The following LRP1B variants were observed in gnomAD, a reference collection of about 807,000 sequenced individuals.
LRP1B encodes low-density lipoprotein receptor-related protein 1B.
Under a neutral mutation model 556.6 loss-of-function variants are expected in LRP1B, and 217 were observed. The observed-to-expected ratio is 0.39, with a 90% CI of 0.35 to 0.44. The LOEUF (loss-of-function observed/expected upper bound fraction) is 0.44. LRP1B is among the 20% of genes least tolerant of loss of function. The probability of loss-of-function intolerance (pLI) is 1.00; values close to 1 mark genes in which losing one functional copy is unlikely to be tolerated. For synonymous variants in LRP1B, 2,047 were observed against 1,865.8 expected, an observed-to-expected ratio of 1.10 and a Z score of -2.50; for missense variants, 5,053 against 5,620.8, an observed-to-expected ratio of 0.90 and a Z score of 3.23.
intron 49 of LRP1B, 59 bp downstream of exon 49, chr2:140,525,785 A>G: frequency 6.5e-7 from 1 of 1,545,632 alleles, no homozygotes; most frequent in Non-Finnish European, 8.8e-7. Context: ...ACTCTATACA[A>G]CCAGGTAGCC....
intron 16 of LRP1B, among the ~76,000 whole-genome samples, chr2:140,993,442 A>T (rs952422766): frequency 6.6e-6 from 1 of 152,086 alleles, no homozygotes; most frequent in Non-Finnish European, 1.5e-5. Context: ...ATGATAAATA[A>T]TTAAATAGAA....
chr2:141,381,401 C>T (rs1308489962), intron 3 of LRP1B, among the ~76,000 whole-genome samples: 1 of 151,012 alleles, frequency 6.6e-6, no homozygotes, highest in Admixed American at 6.6e-5. Context: ...GTGAAGATAG[C>T]TTAAAGGACT....
intron 43 of LRP1B, among the ~76,000 whole-genome samples, chr2:140,595,439 C>T (rs921953119): frequency 1.3e-5 from 2 of 151,852 alleles, no homozygotes; most frequent in Non-Finnish European, 1.5e-5. Context: ...CTTTTCAGAA[C>T]AAGGAAAGAT....
At chr2:140,515,272 T>C (rs1412925097) in intron 50 of LRP1B, among the ~76,000 whole-genome samples, 1 of 152,046 alleles carries the variant, frequency 6.6e-6, no homozygotes, top group African/African-American at 2.4e-5. Flanking sequence ...CTGACAGTTT[T>C]GTACGTAGCA....
rs372683900 is a variant in LRP1B at position 141,328,325 on chromosome 2, C to T, written c.344-73684G>A. Among the ~76,000 whole-genome samples, 57 of 150,796 alleles carry T rather than the reference C, an allele frequency of 3.8e-4. No individual in the cohort carries two copies. In the East Asian group the frequency reaches 4.6e-3, roughly 12 times the overall value. ...ATCTGTAAAATCCAAAAGAAGGAAG[C>T]CTATCTTAATGAGTTGTTGTAATTA... On this transcript the variant is annotated intron_variant, in intron 3 of 90. Coordinates refer to ENST00000389484, the MANE Select transcript of LRP1B (RefSeq NM_018557.3).
intron 1 of LRP1B, among the ~76,000 whole-genome samples, chr2:141,997,014 G>T (rs1702510639): frequency 6.6e-6 from 1 of 152,088 alleles, no homozygotes; most frequent in Admixed American, 6.6e-5. Flanking sequence ...GATGCCCAGA[G>T]CATCACTCTG....
intron 60 of LRP1B, among the ~76,000 whole-genome samples, chr2:140,470,660 AAAAAAAAAAAAAAT>A (rs931454050): frequency 1.3e-5 from 2 of 151,160 alleles, no homozygotes; most frequent in African/African-American, 4.8e-5. Context: ...AAAAAAAAAA[AAAAAAAAAAAAAAT>A]GGCAAAGATT....
rs536607796 is a variant in LRP1B at position 141,987,308 on chromosome 2, A to T, written c.82+143340T>A. ...ATTCAGGAGTTTAAAAAAATACTCA[A>T]TTACATCTAGTTTCAGGATGTCTGT... On this transcript the variant is annotated intron_variant, in intron 1 of 90. Coordinates refer to ENST00000389484, the MANE Select transcript of LRP1B (RefSeq NM_018557.3). Among the ~76,000 whole-genome samples, 3 of 152,132 alleles carry T rather than the reference A, an allele frequency of 2.0e-5. No individual in the cohort carries two copies. In the South Asian group the frequency reaches 6.2e-4, roughly 32 times the overall value.
chr2:141,117,527 CCCTATCACA>C (rs1168544550), intron 7 of LRP1B, among the ~76,000 whole-genome samples: 1 of 151,898 alleles, frequency 6.6e-6, no homozygotes, highest in Non-Finnish European at 1.5e-5. Flanking sequence ...CACAGATAGA[CCCTATCACA>C]ATAGTTTAAA....
intron 3 of LRP1B, among the ~76,000 whole-genome samples, chr2:141,464,606 A>ATATATATATTTTTTTTTTTTTTTTTT: frequency 5.5e-5 from 5 of 90,544 alleles, no homozygotes; most frequent in African/African-American, 2.1e-4. Flanking sequence ...ATATATATAT[A>ATATATATATTTTTTTTTTTTTTTTTT]TTTTTTTAGT....
At chr2:141,835,302 A>G (rs1234103616) in intron 1 of LRP1B, among the ~76,000 whole-genome samples, 2 of 151,992 alleles carry the variant, frequency 1.3e-5, no homozygotes, top group Non-Finnish European at 2.9e-5. Flanking sequence ...GCCAGGCAGT[A>G]AACACAGAGC....
chr2:141,237,228 A>G (rs903429594), intron 5 of LRP1B, among the ~76,000 whole-genome samples: 3 of 152,186 alleles, frequency 2.0e-5, no homozygotes, highest in African/African-American at 7.2e-5. Flanking sequence ...AAAGGGTATC[A>G]TTAAAAGAAA....
At chr2:140,822,034 A>C (rs1456663110) in intron 31 of LRP1B, among the ~76,000 whole-genome samples, 3 of 152,094 alleles carry the variant, frequency 2.0e-5, no homozygotes, top group Non-Finnish European at 4.4e-5. Flanking sequence ...AAGGGGAAAC[A>C]TCAAAGAAAT....
At chr2:142,093,432 G>A (rs1574676894) in intron 1 of LRP1B, among the ~76,000 whole-genome samples, 1 of 152,068 alleles carries the variant, frequency 6.6e-6, no homozygotes, top group Admixed American at 6.6e-5. Context: ...TGGAGAGTTA[G>A]CTCCTTTCTA....
intron 2 of LRP1B, among the ~76,000 whole-genome samples, chr2:141,484,978 A>C (rs2105099297): frequency 6.6e-6 from 1 of 152,294 alleles, no homozygotes; most frequent in Non-Finnish European, 1.5e-5. Flanking sequence ...CAGGTAACTG[A>C]GGAACATGAT....
chr2:142,063,493 C>A (rs1257562067), intron 1 of LRP1B, among the ~76,000 whole-genome samples: 1 of 151,578 alleles, frequency 6.6e-6, no homozygotes, highest in African/African-American at 2.4e-5. Context: ...AACAAAAGTT[C>A]TATTCAATCA....
intron 2 of LRP1B, among the ~76,000 whole-genome samples, chr2:141,723,806 C>A (rs1692930116): frequency 6.6e-6 from 1 of 151,610 alleles, no homozygotes; most frequent in Middle Eastern, 3.2e-3. Flanking sequence ...TTATCATCAC[C>A]AGGCCATTTC....
At chr2:141,477,128 A>G in intron 3 of LRP1B, among the ~76,000 whole-genome samples, 1 of 6,494 alleles carries the variant, frequency 1.5e-4, no homozygotes, top group African/African-American at 1.7e-4. Context: ...GTCTCAAAAA[A>G]CAAACAAACA....
intron 45 of LRP1B, among the ~76,000 whole-genome samples, chr2:140,537,051 G>A (rs1396858273): frequency 6.6e-6 from 1 of 150,952 alleles, no homozygotes; most frequent in African/African-American, 2.4e-5. Flanking sequence ...CGCGCCTGTA[G>A]TCCCAGCTAC....
Sources: gnomAD v4.1 joint callset for allele counts (sites outside exome capture counted in the v4.1 genomes callset) on GRCh38, gnomAD v4.1.1 for gene constraint, MANE v1.5 for transcripts, NCBI Gene and HGNC (gene_info 2026-07-23, HGNC 2026-07-21) for gene names.